SLC7A5: variants seen among roughly 807,000 people sequenced by gnomAD.
The protein encoded by SLC7A5 is solute carrier family 7 member 5, also known as large neutral amino acids transporter small subunit 1.
SLC7A5 carries 23 observed loss-of-function variants against 50.2 expected under a neutral mutation model. The observed-to-expected ratio is 0.46, with a 90% confidence interval of 0.33 to 0.65. The LOEUF (loss-of-function observed/expected upper bound fraction) is 0.65, where lower values mean the gene tolerates loss of function less well. Among genes scored for constraint, SLC7A5 ranks in the 30% least tolerant of loss-of-function variants. The pLI is 0.02. For missense variants in SLC7A5, 578 were observed against 684.4 expected (o/e 0.84, Z 1.73); for synonymous variants, 393 against 330.6 (o/e 1.19, Z -2.05).
rs75157467 is a variant in SLC7A5 at position 87,833,182 on chromosome 16, G to A, written c.1469-157C>T. On this transcript the variant is annotated intron_variant, in intron 9 of 9. Coordinates refer to ENST00000261622, the MANE Select transcript of SLC7A5 (RefSeq NM_003486.7). The surrounding 1 kb of genome is among the most constrained non-coding windows in gnomAD (Gnocchi z 6.0). ...AAGGAACCTTCCCTTGTGTACTTGC[G>A]CATGTGGGTGCCGGGTGCCCGAGGC... 2.0e-5 allele frequency among the ~76,000 whole-genome samples: 3 copies of A among 152,224 alleles called. No individual in the cohort carries two copies. Among genetic ancestry groups the A allele is most frequent in the African/African-American group, 2.4e-5 (1 of 41,464 alleles).
chr16:87,867,759 C>T (rs2055481349), intron 1 of SLC7A5, among the ~76,000 whole-genome samples: 1 of 152,172 alleles, frequency 6.6e-6, no homozygotes, highest in Admixed American at 6.5e-5. Flanking sequence ...CACCTTCCCA[C>T]GCCACCCAAC....
chr16:87,850,561 T>A (rs1360588521), intron 2 of SLC7A5, among the ~76,000 whole-genome samples: 1 of 152,172 alleles, frequency 6.6e-6, no homozygotes, highest in Non-Finnish European at 1.5e-5. Context: ...AGGACTGGGA[T>A]CATCTCTACC....
intron 3 of SLC7A5, among the ~76,000 whole-genome samples, 171 bp from the exon 4 acceptor site, chr16:87,840,644 G>A (rs1423433032): frequency 6.6e-6 from 1 of 152,190 alleles, no homozygotes; most frequent in Admixed American, 6.5e-5. Flanking sequence ...GTGTTCCGGG[G>A]GGTCCCTGCT....
chr16:87,839,752 A>T lies in SLC7A5; in HGVS notation c.889T>A (p.Phe297Ile), dbSNP rs1332212153. ...ATCTGCTCGGTGGACAGGGTGGTGA[A>T]GTAGGCCAGGTTGGTCAGCACGTAC... The part of the protein sequence containing the change: ...LVYVLTNLAY[F>I]TTLSTEQMLS... The change falls in exon 5 of 10, where the codon TTC (phenylalanine) becomes ATC (isoleucine). Residue 297 changes from phenylalanine (F) to isoleucine (I), a missense_variant. Around this residue, in one of 2 missense-constraint regions of SLC7A5, gnomAD observed 465 missense variants for 594.6 expected, o/e 0.78. Transcript: ENST00000261622. The T allele has an allele frequency of 6.2e-7, 1 of 1,613,884 alleles. No homozygotes were observed. The highest frequency in any genetic ancestry group is 1.7e-5 in the Admixed American group (1 of 60,016).
chr16:87,839,711 G>T lies in SLC7A5; in HGVS notation c.930C>A (p.Ala310=), dbSNP rs779042515. The T allele has an allele frequency of 6.2e-7, 1 of 1,613,434 alleles. No individual in the cohort carries two copies. The highest frequency in any genetic ancestry group is 1.1e-5 in the South Asian group (1 of 91,080). The change falls in exon 5 of 10, where the codon GCC becomes GCA. Residue 310 remains alanine, a synonymous_variant. Transcript: ENST00000261622. ...LSTEQMLSSE[A]VAVDFGNYHL... is the part of the protein sequence containing the mutation. ...GCGGGTAGCGGCTCACCACGGCCAC[G>T]GCCTCGGACGACAGCATCTGCTCGG...
chr16:87,863,986 A>AAAATATATATATATATATATATATATAT (rs376938738), intron 1 of SLC7A5, among the ~76,000 whole-genome samples: 2 of 83,280 alleles, frequency 2.4e-5, no homozygotes, highest in Non-Finnish European at 5.0e-5. Context: ...ATCATTTAAA[A>AAAATATATATATATATATATATATATAT]ATATATATAT....
chr16:87,849,573 A>G (rs2055194087), intron 2 of SLC7A5, among the ~76,000 whole-genome samples: 2 of 152,194 alleles, frequency 1.3e-5, no homozygotes, highest in South Asian at 4.1e-4. Flanking sequence ...AAAGGCCTTC[A>G]CGAGCAAAGC....
At chr16:87,864,880 C>G (rs530334793) in intron 1 of SLC7A5, among the ~76,000 whole-genome samples, 1 of 152,344 alleles carries the variant, frequency 6.6e-6, no homozygotes, top group Non-Finnish European at 1.5e-5. Flanking sequence ...AACAAGCTAG[C>G]TAGGTAAACT....
rs1026435912 is a variant in SLC7A5 at position 87,830,183 on chromosome 16, C to T, written c.*2787G>A. On this transcript the variant is annotated 3_prime_UTR_variant, in exon 10 of 10. Coordinates refer to ENST00000261622, the MANE Select transcript of SLC7A5 (RefSeq NM_003486.7). Reference sequence around the variant, plus strand: ...GCAGAGGGTGTCCAGCCTGGTCGGCCGACGTCACAGTGGATGGCCCTGCGT... The same window carrying T: ...GCAGAGGGTGTCCAGCCTGGTCGGCTGACGTCACAGTGGATGGCCCTGCGT... 6 of 152,244 alleles carry T rather than the reference C, an allele frequency of 3.9e-5. No individual in the cohort carries two copies. The highest frequency in any genetic ancestry group is 4.1e-4 in the South Asian group (2 of 4,830). The allele number at this position is 152,244 out of a possible 1,614,324, so 9.4% of individuals were successfully genotyped here. A position where few individuals can be genotyped will look rare whatever the true frequency, so the allele number is the denominator to read the frequency against.
Position 87,852,315 on chromosome 16 carries a change from C to CA in SLC7A5, c.539-467dup, listed in dbSNP as rs1053417847. On this transcript the variant is annotated intron_variant, in intron 1 of 9. Transcript: ENST00000261622. The surrounding 1 kb of genome is among the most constrained non-coding windows in gnomAD (Gnocchi z 4.5). ...CTCCATGAGGGCGGGGCCCTTTCCT[C>CA]AAAGAGGATCTTCTGTGGATTCCAA... Among the ~76,000 whole-genome samples, 10 of 152,186 alleles carry CA rather than the reference C, an allele frequency of 6.6e-5. No individual in the cohort carries two copies. The highest frequency in any genetic ancestry group is 2.4e-4 in the African/African-American group (10 of 41,434).
intron 1 of SLC7A5, among the ~76,000 whole-genome samples, chr16:87,856,362 G>A (rs892892896): frequency 6.6e-6 from 1 of 152,252 alleles, no homozygotes; most frequent in Admixed American, 6.5e-5. Flanking sequence ...GCTGGAGACA[G>A]CACAGAGGAA....
chr16:87,849,575 G>A (rs2055194152), intron 2 of SLC7A5, among the ~76,000 whole-genome samples: 3 of 152,134 alleles, frequency 2.0e-5, no homozygotes, highest in Admixed American at 2.0e-4. Context: ...AGGCCTTCAC[G>A]AGCAAAGCAC....
intron 3 of SLC7A5, 80 bp downstream of exon 3, chr16:87,840,970 G>A (rs1180325492): frequency 1.0e-6 from 1 of 979,054 alleles, no homozygotes; most frequent in African/African-American, 1.6e-5. Flanking sequence ...GCCCCTTGAT[G>A]GCTGGGAGAT....
Position 87,852,778 on chromosome 16 carries a change from G to A in SLC7A5, c.539-929C>T, listed in dbSNP as rs534178164. 2.6e-3 allele frequency among the ~76,000 whole-genome samples: 389 copies of A among 151,344 alleles called. 2 individuals carry two copies. The highest frequency in any genetic ancestry group is 9.3e-3 in the African/African-American group (382 of 40,964). ...TTTGGGGGGTTCTGTTGCAATATGT[G>A]CGCACGCTGAGCCACTATTCAGGGA... On this transcript the variant is annotated intron_variant, in intron 1 of 9. Coordinates refer to ENST00000261622, the MANE Select transcript of SLC7A5 (RefSeq NM_003486.7). The surrounding 1 kb of genome is among the most constrained non-coding windows in gnomAD (Gnocchi z 4.5).
At chr16:87,838,267 T>C (rs1401370913) in intron 6 of SLC7A5, among the ~76,000 whole-genome samples, 1 of 150,266 alleles carries the variant, frequency 6.7e-6, no homozygotes, top group Non-Finnish European at 1.5e-5. Context: ...CCTTTATTTC[T>C]GTATTATTTG....
chr16:87,858,381 T>C (rs2055346732), intron 1 of SLC7A5, among the ~76,000 whole-genome samples: 1 of 152,208 alleles, frequency 6.6e-6, no homozygotes, highest in Non-Finnish European at 1.5e-5. Context: ...GAGTTGCCAC[T>C]GCTGGCTAAG....
chr16:87,852,869 GA>G lies in SLC7A5; in HGVS notation c.539-1021del, dbSNP rs1352110521. Among the ~76,000 whole-genome samples the G allele has an allele frequency of 6.6e-6, 1 of 152,000 alleles. No individual in the cohort carries two copies. Among genetic ancestry groups the G allele is most frequent in the East Asian group, 1.9e-4 (1 of 5,190 alleles). On this transcript the variant is annotated intron_variant, in intron 1 of 9. Transcript: ENST00000261622. The surrounding 1 kb of genome is among the most constrained non-coding windows in gnomAD (Gnocchi z 4.5). ...AATGAAGTAAAATCATATTAATCCC[GA>G]GGCACTGACTCCACGACACCCCTCA...
chr16:87,858,061 G>C (rs375046455), intron 1 of SLC7A5, among the ~76,000 whole-genome samples: 162 of 152,198 alleles, frequency 1.1e-3, no homozygotes, highest in African/African-American at 3.5e-3. Flanking sequence ...TGGTGGATTT[G>C]GGTTTCCCAA....
chr16:87,854,877 C>A (rs917393522), intron 1 of SLC7A5, among the ~76,000 whole-genome samples: 2 of 152,214 alleles, frequency 1.3e-5, no homozygotes, highest in Non-Finnish European at 2.9e-5. Flanking sequence ...ATTGGAGGAA[C>A]CCCTGCCCTC....
Sources: allele counts gnomAD v4.1 joint callset (sites outside exome capture counted in the v4.1 genomes callset), GRCh38; gene constraint gnomAD v4.1.1; regional missense constraint gnomAD v4.1.1; non-coding constraint Gnocchi (gnomAD v3.1); transcripts MANE v1.5; gene names NCBI Gene and HGNC (gene_info 2026-07-23, HGNC 2026-07-21).